MYCBP2: variants seen among roughly 807,000 people sequenced by gnomAD.
MYCBP2 encodes MYC binding protein 2, also known as E3 ubiquitin-protein ligase MYCBP2.
A neutral mutation model predicts 525.3 loss-of-function variants in MYCBP2; 120 were observed. The observed-to-expected ratio is 0.23, with a 90% CI of 0.20 to 0.27. MYCBP2 has a LOEUF of 0.27. Ranked by LOEUF, MYCBP2 falls within the 10% of genes least tolerant of loss-of-function variation. MYCBP2 has a pLI of 1.00. For synonymous variants in MYCBP2, 1,894 were observed against 1,955.8 expected (o/e 0.97, Z 0.83); for missense variants, 4,149 against 5,657.1 (o/e 0.73, Z 8.55).
At chr13:77,297,897 C>G (rs980197426) in intron 1 of MYCBP2, among the ~76,000 whole-genome samples, 1 of 152,208 alleles carries the variant, frequency 6.6e-6, no homozygotes, top group African/African-American at 2.4e-5. Flanking sequence ...CACCTCTTAC[C>G]TGGACCACTG....
chr13:77,124,155 G>T (rs933350000), intron 54 of MYCBP2, among the ~76,000 whole-genome samples: 3 of 152,114 alleles, frequency 2.0e-5, no homozygotes, highest in Non-Finnish European at 2.9e-5. Context: ...GAAGATTCTG[G>T]CTGAAGTCTT....
intron 58 of MYCBP2, 109 bp downstream of exon 58, chr13:77,095,249 T>C (rs1275859578): frequency 3.0e-6 from 4 of 1,349,598 alleles, no homozygotes; most frequent in Non-Finnish European, 3.0e-6. Context: ...TTGTTTATAG[T>C]ACACAATAGC....
intron 82 of MYCBP2, among the ~76,000 whole-genome samples, chr13:77,049,726 C>T (rs1478438277): frequency 6.6e-6 from 1 of 152,118 alleles, no homozygotes; most frequent in East Asian, 1.9e-4. Context: ...ACCTCCGCCT[C>T]TCAGGCTCAA....
At chr13:77,074,009 C>T (rs972918906) in intron 68 of MYCBP2, among the ~76,000 whole-genome samples, 9 of 140,858 alleles carry the variant, frequency 6.4e-5, no homozygotes, top group Admixed American at 3.5e-4. Flanking sequence ...ACCGCCCCCC[C>T]CCCTTTTTTT....
At chr13:77,149,924 C>T (rs1327618855) in intron 47 of MYCBP2, among the ~76,000 whole-genome samples, 1 of 152,096 alleles carries the variant, frequency 6.6e-6, no homozygotes, top group Non-Finnish European at 1.5e-5. Flanking sequence ...TCTTGATCAT[C>T]TGCCCAATTA....
At chr13:77,096,739 A>G (rs1164853626) in intron 56 of MYCBP2, among the ~76,000 whole-genome samples, 2 of 152,164 alleles carry the variant, frequency 1.3e-5, no homozygotes, top group Non-Finnish European at 2.9e-5. Context: ...GAATATAGGT[A>G]TATTTAGATA....
chr13:77,206,323 CAT>C (rs2063333757), intron 24 of MYCBP2, among the ~76,000 whole-genome samples: 1 of 149,846 alleles, frequency 6.7e-6, no homozygotes, highest in Non-Finnish European at 1.5e-5. Flanking sequence ...ATTTATTTAA[CAT>C]AATATACATA....
At chr13:77,071,457 A>T (rs1416488396) in intron 68 of MYCBP2, among the ~76,000 whole-genome samples, 1 of 152,210 alleles carries the variant, frequency 6.6e-6, no homozygotes, top group Non-Finnish European at 1.5e-5. Context: ...GAGAGCCAGA[A>T]GAGAATGTCC....
At chr13:77,065,297 G>A (rs139795202) in intron 72 of MYCBP2, among the ~76,000 whole-genome samples, 72 of 152,214 alleles carry the variant, frequency 4.7e-4, no homozygotes, top group African/African-American at 1.7e-3. Context: ...AAATATCCAC[G>A]CTGTTGGGAA....
chr13:77,057,222 GA>G, intron 78 of MYCBP2, 129 bp from the exon 79 acceptor site: 2 of 614,972 alleles, frequency 3.3e-6, no homozygotes, highest in Non-Finnish European at 5.6e-6. Context: ...TTACTATAAT[GA>G]AAATTCATTG....
chr13:77,317,491 G>A (rs905822590), intron 1 of MYCBP2, among the ~76,000 whole-genome samples: 3 of 152,188 alleles, frequency 2.0e-5, no homozygotes, highest in African/African-American at 7.2e-5. Context: ...GGGAACACTG[G>A]AGAATGGGCG....
At chr13:77,086,025 T>C (rs978814511) in intron 62 of MYCBP2, among the ~76,000 whole-genome samples, 5 of 152,182 alleles carry the variant, frequency 3.3e-5, no homozygotes, top group African/African-American at 1.2e-4. Flanking sequence ...TAGATACATA[T>C]CCAGGATTGA....
intron 36 of MYCBP2, among the ~76,000 whole-genome samples, chr13:77,175,499 G>A (rs2059608034): frequency 6.6e-6 from 1 of 152,046 alleles, no homozygotes; most frequent in South Asian, 2.1e-4. Context: ...AAGCTTTTTG[G>A]TTTTTCAGTA....
rs543651440 is a variant in MYCBP2, at chr13:77,065,830, A to G, written c.12552+162T>C. 2.0e-5 allele frequency among the ~76,000 whole-genome samples: 3 copies of G among 152,360 alleles called. No homozygotes were observed. In the East Asian group the frequency reaches 5.8e-4, roughly 29 times the overall value. On this transcript the variant is annotated intron_variant, in intron 72 of 82. Coordinates refer to ENST00000544440, the MANE Select transcript of MYCBP2 (RefSeq NM_015057.5). Reference sequence around the variant, plus strand: ...ACATGGTTTACATAAATGACAAATTATCACTCACTGAAAAGACAAACAGCA... The same window carrying G: ...ACATGGTTTACATAAATGACAAATTGTCACTCACTGAAAAGACAAACAGCA...
intron 37 of MYCBP2, 57 bp downstream of exon 37, chr13:77,174,254 G>T: frequency 6.5e-7 from 1 of 1,538,162 alleles, no homozygotes. Context: ...CCTGGTAGTA[G>T]ACTGTGTATG....
chr13:77,140,136 C>T lies in MYCBP2; in HGVS notation c.7429G>A (p.Ala2477Thr), dbSNP rs2054378383. 2 of 1,611,044 alleles carry T rather than the reference C, an allele frequency of 1.2e-6. No homozygotes were observed. Among genetic ancestry groups the T allele is most frequent in the Non-Finnish European group, 8.5e-7 (1 of 1,179,316 alleles). The part of the protein sequence containing the change: ...KVRKFVAKDS[A>T]GLRIRSHPSL... The stretch of plus-strand genomic sequence containing the variant: ...GGGTGGCTACGGATGCGAAGCCCCG[C>T]ACTGTCCTTGGCCACAAATTTTCGA... Residue 2477 changes from alanine to threonine, a missense_variant, in exon 51 of 83, where the codon GCG becomes ACG. By Grantham distance (58) the Ala-to-Thr change is moderately conservative. Coordinates refer to ENST00000544440, the MANE Select transcript of MYCBP2 (RefSeq NM_015057.5).
At chr13:77,154,040 C>A (rs1246544672) in intron 46 of MYCBP2, among the ~76,000 whole-genome samples, 1 of 152,110 alleles carries the variant, frequency 6.6e-6, no homozygotes, top group Non-Finnish European at 1.5e-5. Context: ...AACTTTTATG[C>A]TTCAAATAAT....
chr13:77,057,911 C>T (rs2038468136), intron 78 of MYCBP2, among the ~76,000 whole-genome samples: 1 of 143,904 alleles, frequency 6.9e-6, no homozygotes, highest in African/African-American at 2.6e-5. Flanking sequence ...CATCTCAGAT[C>T]ACTGCAAGCT....
intron 1 of MYCBP2, among the ~76,000 whole-genome samples, chr13:77,320,102 T>C (rs777307575): frequency 2.0e-5 from 3 of 152,116 alleles, no homozygotes; most frequent in Admixed American, 6.5e-5. Flanking sequence ...GGTTGGCTTG[T>C]CTTATAGCAA....
Sources: allele counts gnomAD v4.1 joint callset (sites outside exome capture counted in the v4.1 genomes callset), GRCh38; gene constraint gnomAD v4.1.1; transcripts MANE v1.5; gene names NCBI Gene and HGNC (gene_info 2026-07-23, HGNC 2026-07-21).